Variants in LRRC37A2 observed in about 807,000 individuals in gnomAD.
LRRC37A2 encodes the protein leucine-rich repeat-containing protein 37A2.
In LRRC37A2, 9 loss-of-function variants were observed where a neutral mutation model predicts 68.8. The observed-to-expected ratio is 0.13, with a 90% CI of 0.08 to 0.23. The LOEUF (loss-of-function observed/expected upper bound fraction) is 0.23, where lower values mean the gene tolerates loss of function less well. LRRC37A2 is among the 10% of genes least tolerant of loss of function. The pLI, the probability that LRRC37A2 is intolerant of heterozygous loss-of-function variation, is 1.00. For synonymous variants in LRRC37A2, 63 were observed against 367.6 expected (o/e 0.17, Z 9.48); for missense variants, 168 against 950.4 (o/e 0.18, Z 10.82).
the LRRC37A2 span, chr17:47,018,260 C>G: frequency 6.2e-7 from 1 of 1,611,446 alleles, no homozygotes; most frequent in African/African-American, 1.3e-5. Flanking sequence ...ATGAACTTTC[C>G]ATCAGTGAGC....
At chr17:46,911,964 G>C in the LRRC37A2 span, among the ~76,000 whole-genome samples, 2 of 152,204 alleles carry the variant, frequency 1.3e-5, no homozygotes, top group Non-Finnish European at 2.9e-5. Context: ...CATTATTAGT[G>C]AGAGCCCAGA....
At chr17:46,894,904 A>T in the LRRC37A2 span, among the ~76,000 whole-genome samples, 1 of 152,346 alleles carries the variant, frequency 6.6e-6, no homozygotes, top group East Asian at 1.9e-4. Context: ...TTCCCGGGCC[A>T]TGCAAGCCGG....
chr17:46,496,402 G>A, the LRRC37A2 span, among the ~76,000 whole-genome samples: 3 of 149,136 alleles, frequency 2.0e-5, no homozygotes, highest in Non-Finnish European at 2.9e-5. Context: ...TCAGGAGTTC[G>A]AGTCCAGACT....
chr17:46,529,311 AG>A (rs2053298515), intron 6 of LRRC37A2, among the ~76,000 whole-genome samples: 1 of 98,876 alleles, frequency 1.0e-5, no homozygotes, highest in Admixed American at 1.1e-4. Flanking sequence ...TCATCTAATA[AG>A]GCATATTTAA....
At chr17:47,006,436 AC>A in the LRRC37A2 span, among the ~76,000 whole-genome samples, 1 of 151,608 alleles carries the variant, frequency 6.6e-6, no homozygotes, top group Non-Finnish European at 1.5e-5. Context: ...ACATGACAAA[AC>A]CCCGTCTCCA....
chr17:46,818,695 C>T, the LRRC37A2 span: 1 of 1,224,368 alleles, frequency 8.2e-7, no homozygotes, highest in Non-Finnish European at 1.2e-6. Flanking sequence ...TTGGAAATGA[C>T]TTTCGGGCTT....
At chr17:46,392,240 A>G in the LRRC37A2 span, among the ~76,000 whole-genome samples, 2 of 61,288 alleles carry the variant, frequency 3.3e-5, no homozygotes, top group Non-Finnish European at 7.4e-5. Flanking sequence ...GAGATAGGGT[A>G]TCACTTTGTC....
the LRRC37A2 span, among the ~76,000 whole-genome samples, chr17:46,750,147 G>A: frequency 6.6e-6 from 1 of 152,214 alleles, no homozygotes; most frequent in Non-Finnish European, 1.5e-5. Context: ...GAGGTCAGGA[G>A]TTCGAGACCA....
the LRRC37A2 span, among the ~76,000 whole-genome samples, chr17:46,919,550 A>G: frequency 6.6e-6 from 1 of 152,180 alleles, no homozygotes; most frequent in African/African-American, 2.4e-5. Context: ...AGGCATGAAA[A>G]TTATTTGAGA....
At chr17:46,808,556 G>T in the LRRC37A2 span, among the ~76,000 whole-genome samples, 3 of 152,210 alleles carry the variant, frequency 2.0e-5, no homozygotes, top group African/African-American at 4.8e-5. Context: ...TGCCCAGGCT[G>T]CACTGTGGGA....
the LRRC37A2 span, among the ~76,000 whole-genome samples, chr17:46,972,450 C>G: frequency 6.6e-6 from 1 of 152,244 alleles, no homozygotes; most frequent in East Asian, 1.9e-4. Flanking sequence ...AAGGGTTGCA[C>G]ACTGGGCACC....
At chr17:46,830,746 G>T in the LRRC37A2 span, 1 of 398,666 alleles carries the variant, frequency 2.5e-6, no homozygotes, top group Non-Finnish European at 4.4e-6. Context: ...GGCCACGGGT[G>T]TTCTAGAAGG....
the LRRC37A2 span, among the ~76,000 whole-genome samples, chr17:46,855,196 G>C: frequency 6.6e-6 from 1 of 152,206 alleles, no homozygotes; most frequent in Admixed American, 6.5e-5. Context: ...GATTCCCCCA[G>C]GGCAGCAGTG....
At chr17:46,920,337 G>C in the LRRC37A2 span, among the ~76,000 whole-genome samples, 1 of 152,194 alleles carries the variant, frequency 6.6e-6, no homozygotes, top group African/African-American at 2.4e-5. Context: ...CAGACCATGA[G>C]AGATATGGGA....
At chr17:47,039,099 C>A in the LRRC37A2 span, among the ~76,000 whole-genome samples, 1 of 151,480 alleles carries the variant, frequency 6.6e-6, no homozygotes, top group African/African-American at 2.4e-5. Flanking sequence ...ATCTTAATTT[C>A]TCTTCAATTT....
At chr17:46,975,638 C>T in the LRRC37A2 span, 1 of 152,432 alleles carries the variant, frequency 6.6e-6, no homozygotes, top group South Asian at 2.1e-4. Context: ...TGTCTTCCTC[C>T]TGAGGCACAA....
rs1215569056 is a variant in LRRC37A2, at chr17:46,542,286, TCTC to T, written c.3053+1408_3053+1410del. ...GTCTAATCCAGCGTCTAAAAGATTT[TCTC>T]CTATGTCTTCTCCCAGAAATGATAC... On this transcript the variant is annotated intron_variant, in intron 8 of 14. Coordinates refer to ENST00000576629, the Ensembl canonical transcript of LRRC37A2. Among the ~76,000 whole-genome samples, 12 of 147,556 alleles carry T rather than the reference TCTC, an allele frequency of 8.1e-5. 1 individual carries two copies. Among genetic ancestry groups the T allele is most frequent in the African/African-American group, 2.9e-4 (11 of 37,892 alleles).
the LRRC37A2 span, among the ~76,000 whole-genome samples, chr17:46,952,440 G>A: frequency 5.9e-5 from 9 of 152,158 alleles, no homozygotes; most frequent in Non-Finnish European, 1.2e-4. Flanking sequence ...CTAGCTACAC[G>A]CCACTTTTGT....
chr17:46,875,226 C>G, the LRRC37A2 span: 1 of 1,614,202 alleles, frequency 6.2e-7, no homozygotes, highest in Non-Finnish European at 8.5e-7. Context: ...GCTGGAGAGC[C>G]GGCAGGCCTG....
Sources: gnomAD v4.1 joint callset for allele counts (sites outside exome capture counted in the v4.1 genomes callset) on GRCh38, gnomAD v4.1.1 for gene constraint, MANE v1.5 for transcripts, NCBI Gene and HGNC (gene_info 2026-07-23, HGNC 2026-07-21) for gene names.